COL23A1: variants seen among roughly 807,000 people sequenced by gnomAD.
The protein encoded by COL23A1 is collagen type XXIII alpha 1 chain, also known as collagen alpha-1(XXIII) chain.
Under a neutral mutation model 99.3 loss-of-function variants are expected in COL23A1, and 97 were observed. The observed-to-expected ratio is 0.98, with a 90% CI of 0.83 to 1.16. COL23A1 has a LOEUF of 1.16. Among genes scored for constraint, COL23A1 ranks in the 50% most tolerant of loss-of-function variants. The pLI, the probability that COL23A1 is intolerant of heterozygous loss-of-function variation, is 0.00. For missense variants in COL23A1, 762 were observed against 757.4 expected (o/e 1.01, Z -0.07); for synonymous variants, 320 against 308.2 (o/e 1.04, Z -0.40).
At chr5:178,257,496 G>A (rs1356844906) in intron 13 of COL23A1, 27 bp downstream of exon 13, 2 of 1,562,992 alleles carry the variant, frequency 1.3e-6, no homozygotes, top group Non-Finnish European at 1.7e-6. Context: ...GGGGCAGGGG[G>A]CCACGAGAGG....
intron 1 of COL23A1, among the ~76,000 whole-genome samples, chr5:178,571,992 T>C (rs964400197): frequency 2.0e-5 from 3 of 149,194 alleles, no homozygotes; most frequent in Admixed American, 6.8e-5. Flanking sequence ...GGCGTGAACC[T>C]GAGAGGCGGA....
chr5:178,423,248 G>C (rs979263509), intron 2 of COL23A1, among the ~76,000 whole-genome samples: 1 of 152,096 alleles, frequency 6.6e-6, no homozygotes, highest in African/African-American at 2.4e-5. Context: ...GCCTCCCAAA[G>C]CACTGGAGTT....
intron 2 of COL23A1, among the ~76,000 whole-genome samples, chr5:178,376,204 T>C (rs900514864): frequency 1.3e-5 from 2 of 152,274 alleles, no homozygotes; most frequent in Non-Finnish European, 2.9e-5. Flanking sequence ...GGCATGCTTA[T>C]TATATTCATG....
Position 178,288,387 on chromosome 5 carries a change from C to T in COL23A1, c.415-37G>A, listed in dbSNP as rs200601932. On this transcript the variant is annotated intron_variant, in intron 4 of 28. Transcript: ENST00000390654. ...AATATGTCATTAATAATCAGAGTTT[C>T]GGCAGAAACCATATGGCAACACTTA... The T allele has an allele frequency of 1.7e-3, 2,762 of 1,586,890 alleles. 6 individuals are homozygous for T. The highest frequency in any genetic ancestry group is 2.3e-3 in the Non-Finnish European group (2,618 of 1,154,986).
intron 3 of COL23A1, among the ~76,000 whole-genome samples, chr5:178,297,716 C>A (rs1431005301): frequency 6.6e-6 from 1 of 152,206 alleles, no homozygotes; most frequent in Non-Finnish European, 1.5e-5. Context: ...ATCCCTGGGA[C>A]CACATCTGCC....
intron 2 of COL23A1, among the ~76,000 whole-genome samples, chr5:178,516,113 C>T (rs1313149065): frequency 6.6e-6 from 1 of 152,210 alleles, no homozygotes. Context: ...GGGCGTTCCA[C>T]CTGCCCCGTC....
intron 5 of COL23A1, among the ~76,000 whole-genome samples, chr5:178,284,934 T>C (rs1037004401): frequency 2.0e-5 from 3 of 152,224 alleles, no homozygotes; most frequent in African/African-American, 7.2e-5. Context: ...AGAGGACTTA[T>C]CTGTGAGTGG....
At chr5:178,350,948 C>G (rs1033959535) in intron 2 of COL23A1, 7 of 152,306 alleles carry the variant, frequency 4.6e-5, no homozygotes, top group Non-Finnish European at 5.9e-5. Flanking sequence ...GGCCGGAATC[C>G]TCCCAACCAG....
intron 2 of COL23A1, among the ~76,000 whole-genome samples, chr5:178,472,219 C>T (rs1756791847): frequency 1.3e-5 from 2 of 152,210 alleles, no homozygotes; most frequent in South Asian, 4.1e-4. Context: ...CATGGAAAAG[C>T]TGTGGGAAAG....
At chr5:178,536,214 C>T (rs944076660) in intron 2 of COL23A1, among the ~76,000 whole-genome samples, 12 of 152,238 alleles carry the variant, frequency 7.9e-5, no homozygotes, top group African/African-American at 2.7e-4. Context: ...CGGCTCATGC[C>T]GCAGGGGTGC....
intron 2 of COL23A1, among the ~76,000 whole-genome samples, chr5:178,509,974 C>T (rs538249849): frequency 1.3e-5 from 2 of 152,290 alleles, no homozygotes; most frequent in South Asian, 2.1e-4. Flanking sequence ...TCAACATTTC[C>T]GTCCTTAGTG....
chr5:178,503,517 T>C (rs1029514387), intron 2 of COL23A1, among the ~76,000 whole-genome samples: 11 of 152,042 alleles, frequency 7.2e-5, no homozygotes, highest in African/African-American at 2.2e-4. Context: ...CTTAATGTGG[T>C]TGTGTAAGAG....
Position 178,306,888 on chromosome 5 carries a change from T to C in COL23A1, c.393A>G (p.Arg131=). ...GPPGRRGKPG[R]RGDPGPPGQS... ...CCTGGGACTCACCAGGGTCGCCTCT[T>C]CTCCCAGGCTTGCCGCGCCGTCCAG... Residue 131 remains arginine (R), a synonymous_variant, in exon 3 of 29, where the codon AGA becomes AGG. Coordinates refer to ENST00000390654, the MANE Select transcript of COL23A1 (RefSeq NM_173465.4). The surrounding 1 kb of genome is among the most constrained non-coding windows in gnomAD (Gnocchi z 4.1). 1.3e-6 allele frequency: 2 copies of C among 1,545,204 alleles called. No individual in the cohort carries two copies. The highest frequency in any genetic ancestry group is 1.7e-6 in the Non-Finnish European group (2 of 1,145,568).
chr5:178,446,534 A>G (rs1156246850), intron 2 of COL23A1, among the ~76,000 whole-genome samples: 2 of 152,142 alleles, frequency 1.3e-5, no homozygotes, highest in African/African-American at 4.8e-5. Context: ...TTCTTTCATT[A>G]GGAGAAAAAA....
intron 2 of COL23A1, among the ~76,000 whole-genome samples, chr5:178,433,757 G>A (rs1013528739): frequency 1.3e-5 from 2 of 152,230 alleles, no homozygotes; most frequent in African/African-American, 4.8e-5. Context: ...TTAACCCTCT[G>A]TTAATGGCTG....
intron 3 of COL23A1, among the ~76,000 whole-genome samples, chr5:178,297,362 A>G (rs1258365550): frequency 1.3e-5 from 2 of 152,124 alleles, no homozygotes; most frequent in Non-Finnish European, 2.9e-5. Flanking sequence ...CTATACTAAA[A>G]CAATTATTAG....
intron 5 of COL23A1, among the ~76,000 whole-genome samples, chr5:178,279,302 GCT>G (rs1466180211): frequency 6.6e-6 from 1 of 152,104 alleles, no homozygotes; most frequent in Non-Finnish European, 1.5e-5. Flanking sequence ...TGGACTCACT[GCT>G]CTGTCTTCCT....
chr5:178,368,732 A>G (rs561029842), intron 2 of COL23A1, among the ~76,000 whole-genome samples: 1 of 152,232 alleles, frequency 6.6e-6, no homozygotes, highest in African/African-American at 2.4e-5. Flanking sequence ...CACAGCCAGC[A>G]AGCTTCACAG....
intron 8 of COL23A1, 30 bp downstream of exon 8, chr5:178,267,277 G>A (rs1286934637): frequency 6.2e-7 from 1 of 1,612,736 alleles, no homozygotes; most frequent in Non-Finnish European, 8.5e-7. Context: ...AACCATGTGG[G>A]CAGTGAGGGA....
Sources: allele counts gnomAD v4.1 joint callset (sites outside exome capture counted in the v4.1 genomes callset), GRCh38; gene constraint gnomAD v4.1.1; non-coding constraint Gnocchi (gnomAD v3.1); transcripts MANE v1.5; gene names NCBI Gene and HGNC (gene_info 2026-07-23, HGNC 2026-07-21).